Variants in GAS7 observed in about 807,000 individuals in gnomAD.
The protein encoded by GAS7 is growth arrest specific 7.
In GAS7, 28 loss-of-function variants were observed where a neutral mutation model predicts 71.1. That is an observed-to-expected ratio of 0.39 (90% CI 0.29 to 0.54). The LOEUF is 0.54. Ranked by LOEUF, GAS7 falls within the 20% of genes least tolerant of loss-of-function variation. GAS7 has a pLI of 0.62. For missense variants in GAS7, 436 were observed against 627.8 expected, an observed-to-expected ratio of 0.69 and a Z score of 3.27; for synonymous variants, 258 against 245.8, an observed-to-expected ratio of 1.05 and a Z score of -0.46.
intron 1 of GAS7, among the ~76,000 whole-genome samples, chr17:10,157,816 C>T (rs960737667): frequency 6.6e-6 from 1 of 152,134 alleles, no homozygotes; most frequent in African/African-American, 2.4e-5. Flanking sequence ...CAATTTCACA[C>T]ACATGTGAAA....
At chr17:10,153,228 G>C (rs1435333900) in intron 1 of GAS7, among the ~76,000 whole-genome samples, 1 of 27,876 alleles carries the variant, frequency 3.6e-5, no homozygotes, top group Non-Finnish European at 6.3e-5. Context: ...AACACTGGGC[G>C]TGGTGGCTCA....
rs1211624810 is a variant in GAS7, at chr17:10,026,790, G to C, written c.184-6893C>G. ...AGAGCTGGGAACAGCTACCCGAGAA[G>C]GATACTCTCCTCCAGCTCTGGGTTA... On this transcript the variant is annotated intron_variant, in intron 1 of 13. Transcript: ENST00000432992. This position sits in a 1 kb window ranked among gnomAD's most constrained non-coding sequence, Gnocchi z 4.5. Among the ~76,000 whole-genome samples the C allele has an allele frequency of 1.3e-5, 2 of 152,230 alleles. No homozygotes were observed. The highest frequency in any genetic ancestry group is 1.9e-4 in the East Asian group (1 of 5,192).
intron 1 of GAS7, among the ~76,000 whole-genome samples, chr17:10,082,586 C>T (rs1308421904): frequency 1.3e-5 from 2 of 152,168 alleles, no homozygotes; most frequent in Non-Finnish European, 2.9e-5. Flanking sequence ...ATAGTTTTGC[C>T]ATTTCTTATA....
At chr17:9,965,425 C>T (rs906575992) in intron 4 of GAS7, among the ~76,000 whole-genome samples, 2 of 152,182 alleles carry the variant, frequency 1.3e-5, no homozygotes, top group Non-Finnish European at 2.9e-5. Context: ...GAAAACTAAA[C>T]ACCGCATGTT....
chr17:10,013,665 T>C (rs2071872855), intron 2 of GAS7, among the ~76,000 whole-genome samples: 1 of 152,252 alleles, frequency 6.6e-6, no homozygotes, highest in South Asian at 2.1e-4. Flanking sequence ...CTGTTAGCCA[T>C]CTGGCCCAAC....
chr17:9,996,936 G>A (rs1353927826), intron 2 of GAS7, among the ~76,000 whole-genome samples: 1 of 152,070 alleles, frequency 6.6e-6, no homozygotes, highest in Non-Finnish European at 1.5e-5. Context: ...CACCGCGCCA[G>A]GCCAGAAGAC....
intron 1 of GAS7, among the ~76,000 whole-genome samples, chr17:10,042,995 G>A (rs770386079): frequency 1.3e-5 from 2 of 152,154 alleles, no homozygotes; most frequent in African/African-American, 2.4e-5. Flanking sequence ...GGGGAGTAGG[G>A]GTGAGTCTGG....
intron 1 of GAS7, among the ~76,000 whole-genome samples, chr17:10,121,151 A>T (rs549009501): frequency 1.3e-5 from 2 of 152,108 alleles, no homozygotes; most frequent in Admixed American, 1.3e-4. Flanking sequence ...GAGGCCGAGG[A>T]GGGTGGATCA....
rs1328572146 is a variant in GAS7 at position 9,965,990 on chromosome 17, C to G, written c.471+3687G>C. On this transcript the variant is annotated intron_variant, in intron 4 of 13. Transcript: ENST00000432992. Reference sequence around the variant, plus strand: ...TCCCCATCCCCCGACACCCACCCCCCAAAATTCTTTTTTTTTTTTTTTTTT... The same window carrying G: ...TCCCCATCCCCCGACACCCACCCCCGAAAATTCTTTTTTTTTTTTTTTTTT... Among the ~76,000 whole-genome samples, 5 of 149,852 alleles carry G rather than the reference C, an allele frequency of 3.3e-5. No homozygotes were observed. In the East Asian group the frequency reaches 6.0e-4, roughly 18 times the overall value.
Position 10,166,016 on chromosome 17 carries a change from T to TC in GAS7, c.183+32191_183+32192insG, listed in dbSNP as rs927934207. Among the ~76,000 whole-genome samples, 29 of 151,150 alleles carry TC rather than the reference T, an allele frequency of 1.9e-4. No homozygotes were observed. The East Asian group carries it at 3.1e-3, about 16-fold the overall frequency. On this transcript the variant is annotated intron_variant, in intron 1 of 13. Coordinates refer to ENST00000432992, the MANE Select transcript of GAS7 (RefSeq NM_201433.2). ...CTGGCTTTCTTTTTCTTTTTCTTTT[T>TC]TTTTTTTTTCTTTTTCTTTTGTTAG...
chr17:9,925,187 CA>C (rs11395653), intron 11 of GAS7, among the ~76,000 whole-genome samples: 7 of 151,444 alleles, frequency 4.6e-5, no homozygotes, highest in Admixed American at 4.6e-4. Context: ...GGGCGGAAAA[CA>C]AAAAAAGCCA....
chr17:10,095,875 C>T (rs1462824999), intron 1 of GAS7, among the ~76,000 whole-genome samples: 1 of 152,056 alleles, frequency 6.6e-6, no homozygotes, highest in East Asian at 1.9e-4. Context: ...ACAAACAGCA[C>T]AAACCTCTTT....
chr17:10,127,260 C>G (rs2073958703), intron 1 of GAS7, among the ~76,000 whole-genome samples: 1 of 152,300 alleles, frequency 6.6e-6, no homozygotes, highest in African/African-American at 2.4e-5. Context: ...ACGAGCCCCT[C>G]CTCAGATGCA....
intron 5 of GAS7, among the ~76,000 whole-genome samples, chr17:9,953,088 T>A (rs1370177829): frequency 1.3e-5 from 2 of 151,506 alleles, no homozygotes; most frequent in Non-Finnish European, 2.9e-5. Flanking sequence ...AAACATGGAA[T>A]CAACTTAAAT....
chr17:10,006,368 T>C (rs112442178), intron 2 of GAS7, among the ~76,000 whole-genome samples: 34,887 of 141,240 alleles, frequency 0.25, 6,731 homozygotes, highest in African/African-American at 0.54. Flanking sequence ...CTCACTCTGT[T>C]GCCCAGGCTG....
At chr17:9,962,631 GACC>G (rs1482393671) in intron 4 of GAS7, among the ~76,000 whole-genome samples, 1 of 152,206 alleles carries the variant, frequency 6.6e-6, no homozygotes, top group Admixed American at 6.5e-5. Context: ...GAAATTGGAT[GACC>G]ACCATTTGCA....
chr17:9,932,194 C>CTTT (rs34286699), intron 9 of GAS7, among the ~76,000 whole-genome samples: 227 of 116,128 alleles, frequency 2.0e-3, no homozygotes, highest in African/African-American at 6.4e-3. Flanking sequence ...GTCCCCCCCG[C>CTTT]TTTTTTTTTT....
At chr17:9,998,643 AAGAC>A (rs2071140288) in intron 2 of GAS7, among the ~76,000 whole-genome samples, 1 of 152,034 alleles carries the variant, frequency 6.6e-6, no homozygotes, top group Non-Finnish European at 1.5e-5. Flanking sequence ...AAAAGGCAGA[AAGAC>A]AGAAAGAAGG....
chr17:10,198,606 C>G lies in GAS7; in HGVS notation c.-216G>C, dbSNP rs2074559000. 2.9e-6 allele frequency: 1 copy of G among 339,270 alleles called. No individual in the cohort carries two copies. Among genetic ancestry groups the G allele is most frequent in the Admixed American group, 4.9e-5 (1 of 20,254 alleles). The allele number at this position is 339,270 out of a possible 1,614,324, so 21.0% of individuals were successfully genotyped here. On this transcript the variant is annotated 5_prime_UTR_variant, in exon 1 of 14. Coordinates refer to ENST00000432992, the MANE Select transcript of GAS7 (RefSeq NM_201433.2). ...GTTGGCTTCGCAGAGCGAGCGGCGA[C>G]GCCCCCGGGCCGGGCAGCTCGCGGA...
Sources: allele counts gnomAD v4.1 joint callset (sites outside exome capture counted in the v4.1 genomes callset), GRCh38; gene constraint gnomAD v4.1.1; non-coding constraint Gnocchi (gnomAD v3.1); transcripts MANE v1.5; gene names NCBI Gene and HGNC (gene_info 2026-07-23, HGNC 2026-07-21).